CPLANE1: variants seen among roughly 807,000 people sequenced by gnomAD.
CPLANE1 encodes ciliogenesis and planar polarity effector 1.
A neutral mutation model predicts 362.5 loss-of-function variants in CPLANE1; 263 were observed. The observed-to-expected ratio is 0.73, with a 90% CI of 0.66 to 0.80. The LOEUF is 0.80. Among genes scored for constraint, CPLANE1 ranks in the 30% least tolerant of loss-of-function variants. CPLANE1 has a pLI of 0.00. For missense variants in CPLANE1, 3,461 were observed against 3,793.4 expected, an observed-to-expected ratio of 0.91 and a Z score of 2.30; for synonymous variants, 1,212 against 1,302.6, an observed-to-expected ratio of 0.93 and a Z score of 1.50.
intron 16 of CPLANE1, among the ~76,000 whole-genome samples, chr5:37,208,500 AC>A (rs1791491021): frequency 6.6e-6 from 1 of 151,842 alleles, no homozygotes; most frequent in Non-Finnish European, 1.5e-5. Context: ...ACACGGTGAA[AC>A]CCCGTCTCCA....
At chr5:37,200,046 G>C (rs1014066994) in intron 19 of CPLANE1, among the ~76,000 whole-genome samples, 1 of 152,232 alleles carries the variant, frequency 6.6e-6, no homozygotes, top group Non-Finnish European at 1.5e-5. Flanking sequence ...CCCACAAGGG[G>C]AGCTAGTCTT....
chr5:37,183,124 T>C lies in CPLANE1; in HGVS notation c.5057A>G (p.Tyr1686Cys). The change falls in exon 26 of 53, where the codon TAC (tyrosine) becomes TGC (cysteine). Residue 1686 changes from tyrosine (Y) to cysteine (C), a missense_variant. Coordinates refer to ENST00000651892, the MANE Select transcript of CPLANE1 (RefSeq NM_001384732.1). ...CTCTCTAGTGTCATCTTGTATTTTGTAAATTGACCTTTGTTTTAAACCAAA... is the reference window on the plus strand; with the variant it reads ...CTCTCTAGTGTCATCTTGTATTTTGCAAATTGACCTTTGTTTTAAACCAAA... ...GLFGLKQRSI[Y>C]KIQDDTREKC... The C allele has an allele frequency of 6.2e-7, 1 of 1,613,210 alleles. No homozygotes were observed. Among genetic ancestry groups the C allele is most frequent in the South Asian group, 1.1e-5 (1 of 91,008 alleles).
At position 37,198,949 on chromosome 5, in the gene CPLANE1, G is replaced by A. The variant is rs534604707; in HGVS notation, c.3508-83C>T. The A allele has an allele frequency of 7.3e-6, 9 of 1,237,868 alleles. No homozygotes were observed. The African/African-American group carries it at 1.1e-4, about 15-fold the overall frequency. 76.7% of individuals were successfully genotyped at this position (1,237,868 alleles called of 1,614,324 possible). ...AAAATGAAAATAAAGATAGGCTAAT[G>A]AGCTGAGCACAGTGGCTCACGCCTG... On this transcript the variant is annotated intron_variant, in intron 19 of 52. Transcript: ENST00000651892.
intron 16 of CPLANE1, among the ~76,000 whole-genome samples, chr5:37,208,177 T>A (rs147628427): frequency 1.7e-4 from 26 of 152,352 alleles, no homozygotes; most frequent in Admixed American, 4.6e-4. Context: ...CTCAAACTCC[T>A]GAACTCAAGC....
At chr5:37,196,136 A>C in intron 20 of CPLANE1, 140 bp from the exon 21 acceptor site, 1 of 547,332 alleles carries the variant, frequency 1.8e-6, no homozygotes, top group South Asian at 6.2e-5. Flanking sequence ...TATTTTCAGA[A>C]ACTTACAAAT....
intron 23 of CPLANE1, among the ~76,000 whole-genome samples, chr5:37,186,836 G>C (rs371155215): frequency 4.6e-5 from 7 of 152,190 alleles, no homozygotes; most frequent in African/African-American, 1.7e-4. Flanking sequence ...GAGGCGGGCA[G>C]ATCACGAGGT....
the CPLANE1 span, among the ~76,000 whole-genome samples, chr5:37,093,380 T>C: frequency 6.6e-6 from 1 of 152,208 alleles, no homozygotes; most frequent in African/African-American, 2.4e-5. Flanking sequence ...AGCATATCTG[T>C]GTCACTTCTC....
At chr5:37,078,382 T>C in the CPLANE1 span, among the ~76,000 whole-genome samples, 2 of 152,228 alleles carry the variant, frequency 1.3e-5, no homozygotes, top group Non-Finnish European at 2.9e-5. Context: ...GATCTTGTTC[T>C]TTTTTATGGC....
chr5:37,228,539 A>G (rs1796961130), intron 9 of CPLANE1, among the ~76,000 whole-genome samples: 1 of 152,228 alleles, frequency 6.6e-6, no homozygotes, highest in South Asian at 2.1e-4. Context: ...AATGCCTAAC[A>G]TGGAAAGATG....
chr5:37,245,977 G>T, intron 2 of CPLANE1, 132 bp from the exon 3 acceptor site: 3 of 920,966 alleles, frequency 3.3e-6, no homozygotes, highest in Non-Finnish European at 3.1e-6. Context: ...ATCATAAAAT[G>T]AACATTAAGC....
intron 7 of CPLANE1, 82 bp from the exon 8 acceptor site, chr5:37,239,042 C>T (rs1799685124): frequency 1.5e-6 from 1 of 661,100 alleles, no homozygotes; most frequent in African/African-American, 1.8e-5. Context: ...ACACAGAGAT[C>T]TATTATTATA....
chr5:37,133,572 G>T (rs1002293080), intron 46 of CPLANE1, among the ~76,000 whole-genome samples: 4 of 151,834 alleles, frequency 2.6e-5, no homozygotes, highest in Admixed American at 2.6e-4. Context: ...TTGGTTCTCA[G>T]CTTGAATGTT....
the CPLANE1 span, among the ~76,000 whole-genome samples, chr5:37,080,102 T>C: frequency 3.4e-3 from 513 of 152,338 alleles, 2 homozygotes; most frequent in African/African-American, 0.012. Flanking sequence ...AGCTTTCTGC[T>C]GATATAACAG....
In CPLANE1 at chr5:37,107,102, GTAGT is replaced by G; in HGVS notation, c.*496_*499del. The G allele has an allele frequency of 1.0e-6, 1 of 985,438 alleles. No individual in the cohort carries two copies. Among genetic ancestry groups the G allele is most frequent in the South Asian group, 4.7e-5 (1 of 21,282 alleles). The allele number at this position is 985,438 out of a possible 1,614,324, so 61.0% of individuals were successfully genotyped here. On this transcript the variant is annotated 3_prime_UTR_variant, in exon 53 of 53. Coordinates refer to ENST00000651892, the MANE Select transcript of CPLANE1 (RefSeq NM_001384732.1). ...TTTAGAGATTCAGGGTTGGTAAAAG[GTAGT>G]TGGTTTTTCTTTTCACTCCTAGGCT...
At chr5:37,139,755 G>T in intron 44 of CPLANE1, 1 of 595,240 alleles carries the variant, frequency 1.7e-6, no homozygotes, top group Non-Finnish European at 2.1e-6. Context: ...TTGCTATGTT[G>T]CCCAGGTTGG....
At position 37,227,636 on chromosome 5, in the gene CPLANE1, T is replaced by C. The variant is rs1184764389; in HGVS notation, c.1303A>G (p.Met435Val). 6.4e-6 allele frequency: 10 copies of C among 1,551,202 alleles called. No homozygotes were observed. In the African/African-American group the frequency reaches 1.2e-4, roughly 19 times the overall value. Reference protein sequence around the residue: ...FLDSLSPSVHMRSLLLDSTQR... With the variant: ...FLDSLSPSVHVRSLLLDSTQR... ...GTTGAATCAAGTAGAAGTGATCTCA[T>C]GTGTACTGATGGAGATAGGCTATCA... The change falls in exon 10 of 53, where the codon ATG (methionine) becomes GTG (valine). Residue 435 changes from methionine (M) to valine (V), a missense_variant. Transcript: ENST00000651892.
intron 12 of CPLANE1, 52 bp from the exon 13 acceptor site, chr5:37,224,792 G>C: frequency 8.2e-7 from 1 of 1,215,766 alleles, no homozygotes; most frequent in South Asian, 1.4e-5. Flanking sequence ...CTAATGATGA[G>C]TTTAGCCTCC....
chr5:37,107,421 C>T lies in CPLANE1; in HGVS notation c.*181G>A. ...ATAGTCAACCCTTTCCCCATAAAGG[C>T]AAAGTTACTGAGAAATGTTTATTTT... is the stretch of plus-strand genomic sequence containing the variant. On this transcript the variant is annotated 3_prime_UTR_variant, in exon 53 of 53. Coordinates refer to ENST00000651892, the MANE Select transcript of CPLANE1 (RefSeq NM_001384732.1). 2 of 1,278,210 alleles carry T rather than the reference C, an allele frequency of 1.6e-6. No individual in the cohort carries two copies. Among genetic ancestry groups the T allele is most frequent in the Non-Finnish European group, 2.0e-6 (2 of 1,007,018 alleles). The allele number at this position is 1,278,210 out of a possible 1,614,324, so 79.2% of individuals were successfully genotyped here. A position where few individuals can be genotyped will look rare whatever the true frequency, so the allele number is the denominator to read the frequency against.
rs113299705 is a variant in CPLANE1 at position 37,209,683 on chromosome 5, C to A, written c.2921-3258G>T. The A allele has an allele frequency of 7.8e-7, 1 of 1,289,746 alleles. No individual in the cohort carries two copies. The highest frequency in any genetic ancestry group is 1.1e-6 in the Non-Finnish European group (1 of 887,046). 79.9% of individuals were successfully genotyped at this position (1,289,746 alleles called of 1,614,324 possible). ...GGTTTGGCAAAAGAAAAGGTATTTA[C>A]TATGCAGGATCTATTACAACTCATT... On this transcript the variant is annotated intron_variant, in intron 16 of 52. Coordinates refer to ENST00000651892, the MANE Select transcript of CPLANE1 (RefSeq NM_001384732.1). This position sits in a 1 kb window ranked among gnomAD's most constrained non-coding sequence, Gnocchi z 4.6.
Sources: gnomAD v4.1 joint callset for allele counts (sites outside exome capture counted in the v4.1 genomes callset) on GRCh38, gnomAD v4.1.1 for gene constraint, Gnocchi (gnomAD v3.1) non-coding constraint, MANE v1.5 for transcripts, NCBI Gene and HGNC (gene_info 2026-07-23, HGNC 2026-07-21) for gene names.